Variants in CTNNA3 observed in about 807,000 individuals in gnomAD.
The protein encoded by CTNNA3 is catenin alpha-3.
CTNNA3 carries 76 observed loss-of-function variants against 95.7 expected under a neutral mutation model. That is an observed-to-expected ratio of 0.79 (90% CI 0.66 to 0.96). The LOEUF is 0.96. Ranked by LOEUF, CTNNA3 falls within the 40% of genes least tolerant of loss-of-function variation. The probability of loss-of-function intolerance (pLI) is 0.00; values close to 1 mark genes in which losing one functional copy is unlikely to be tolerated. For missense variants in CTNNA3, 1,191 were observed against 1,089.8 expected (o/e 1.09, Z -1.31); for synonymous variants, 431 against 374.4 (o/e 1.15, Z -1.74).
chr10:67,180,220 G>T, intron 7 of CTNNA3, 97 bp downstream of exon 7: 1 of 1,036,636 alleles, frequency 9.6e-7, no homozygotes, highest in Non-Finnish European at 1.5e-6. Flanking sequence ...ATACTCATTT[G>T]TAATTTACCC....
chr10:67,579,938 T>C (rs1216211719), intron 3 of CTNNA3, among the ~76,000 whole-genome samples: 2 of 152,256 alleles, frequency 1.3e-5, no homozygotes, highest in South Asian at 2.1e-4. Flanking sequence ...AAGTTCTTTA[T>C]CGATTCTGGA....
intron 7 of CTNNA3, among the ~76,000 whole-genome samples, chr10:67,020,573 T>C (rs1676075974): frequency 1.3e-5 from 2 of 152,306 alleles, no homozygotes; most frequent in South Asian, 2.1e-4. Context: ...CTAAATTTTG[T>C]TATGTCTTAT....
At chr10:67,732,956 G>A (rs568392496) in intron 1 of CTNNA3, among the ~76,000 whole-genome samples, 2 of 151,840 alleles carry the variant, frequency 1.3e-5, no homozygotes, top group East Asian at 3.9e-4. Flanking sequence ...ATTGAGCAAA[G>A]AAGTCAAGCT....
chr10:67,465,672 A>G (rs555976414), intron 5 of CTNNA3, among the ~76,000 whole-genome samples: 1 of 152,318 alleles, frequency 6.6e-6, no homozygotes, highest in African/African-American at 2.4e-5. Context: ...AGGTCAACTC[A>G]GCACCCAGGG....
chr10:67,261,184 T>C (rs565774525), intron 5 of CTNNA3, among the ~76,000 whole-genome samples: 9 of 152,242 alleles, frequency 5.9e-5, no homozygotes, highest in Non-Finnish European at 1.2e-4. Flanking sequence ...TATTTATGCA[T>C]ACAAACACAG....
At chr10:67,344,747 C>G (rs1322801134) in intron 5 of CTNNA3, among the ~76,000 whole-genome samples, 1 of 151,768 alleles carries the variant, frequency 6.6e-6, no homozygotes, top group Non-Finnish European at 1.5e-5. Flanking sequence ...CTTTTTCTTA[C>G]TCTGCCTAAA....
At chr10:67,367,613 C>T (rs145391984) in intron 5 of CTNNA3, among the ~76,000 whole-genome samples, 90 of 152,268 alleles carry the variant, frequency 5.9e-4, no homozygotes, top group African/African-American at 2.2e-3. Context: ...GACACACACA[C>T]CCAGATCTTC....
intron 2 of CTNNA3, among the ~76,000 whole-genome samples, chr10:67,620,923 G>GTATATATATATATA (rs56300519): frequency 3.0e-4 from 37 of 123,834 alleles, no homozygotes; most frequent in Admixed American, 4.1e-4. Flanking sequence ...GTGTGTGTGT[G>GTATATATATATATA]TATATATATA....
At chr10:66,855,251 T>C (rs1467510171) in intron 7 of CTNNA3, among the ~76,000 whole-genome samples, 1 of 151,942 alleles carries the variant, frequency 6.6e-6, no homozygotes, top group Non-Finnish European at 1.5e-5. Flanking sequence ...GCGATCTTTG[T>C]AAATCGTGGC....
intron 14 of CTNNA3, among the ~76,000 whole-genome samples, chr10:66,079,568 G>C (rs193100235): frequency 1.3e-5 from 2 of 151,860 alleles, no homozygotes; most frequent in Non-Finnish European, 2.9e-5. Flanking sequence ...CCTCCAAATT[G>C]TTTATGGAAA....
intron 5 of CTNNA3, among the ~76,000 whole-genome samples, chr10:67,492,825 A>G (rs1589354054): frequency 6.6e-6 from 1 of 152,162 alleles, no homozygotes; most frequent in East Asian, 1.9e-4. Context: ...CATCCACCCA[A>G]CAACTGCTAA....
At chr10:67,412,571 C>T (rs953845210) in intron 5 of CTNNA3, among the ~76,000 whole-genome samples, 1 of 151,916 alleles carries the variant, frequency 6.6e-6, no homozygotes, top group African/African-American at 2.4e-5. Flanking sequence ...TCACCAAGAT[C>T]AATGCAAAAG....
chr10:66,545,002 T>C (rs1841992513), intron 10 of CTNNA3, among the ~76,000 whole-genome samples: 1 of 152,094 alleles, frequency 6.6e-6, no homozygotes, highest in South Asian at 2.1e-4. Context: ...AATCACCCTA[T>C]AGTAGAACTC....
At chr10:66,954,579 T>A (rs1848696696) in intron 7 of CTNNA3, among the ~76,000 whole-genome samples, 1 of 152,136 alleles carries the variant, frequency 6.6e-6, no homozygotes, top group African/African-American at 2.4e-5. Context: ...ATACATAAAC[T>A]TAGCTTCAGT....
At position 67,756,377 on chromosome 10, in the gene CTNNA3, C is replaced by T. The variant is rs146599753; in HGVS notation, c.-2+7057G>A. On this transcript the variant is annotated intron_variant, in intron 1 of 17. Coordinates refer to the CTNNA3 transcript ENST00000684154. ...ACAAATATTTAAGGTGATGGATATC[C>T]TAACTACACCAATTTAATATTTACA... Among the ~76,000 whole-genome samples, 1,303 of 152,024 alleles carry T rather than the reference C, an allele frequency of 8.6e-3. 24 individuals carry two copies. Among genetic ancestry groups the T allele is most frequent in the African/African-American group, 0.029 (1,211 of 41,464 alleles).
At chr10:67,462,095 T>G (rs1847399413) in intron 5 of CTNNA3, among the ~76,000 whole-genome samples, 1 of 152,230 alleles carries the variant, frequency 6.6e-6, no homozygotes, top group Non-Finnish European at 1.5e-5. Context: ...CCTCTGAATC[T>G]CAGCTCTGGA....
chr10:66,492,789 C>T (rs1442864220), intron 11 of CTNNA3, among the ~76,000 whole-genome samples: 2 of 152,086 alleles, frequency 1.3e-5, no homozygotes, highest in Non-Finnish European at 2.9e-5. Flanking sequence ...TTTACTATAC[C>T]ACCAATTGGG....
chr10:65,969,599 T>TA (rs1366661291), intron 16 of CTNNA3, among the ~76,000 whole-genome samples: 1 of 152,110 alleles, frequency 6.6e-6, no homozygotes, highest in Non-Finnish European at 1.5e-5. Context: ...ATTCTGGAAT[T>TA]AAAAAACTAA....
chr10:67,684,222 C>T (rs1446765155), intron 1 of CTNNA3, among the ~76,000 whole-genome samples: 1 of 152,194 alleles, frequency 6.6e-6, no homozygotes, highest in African/African-American at 2.4e-5. Context: ...TTTAGCTAGA[C>T]ACAGAGCACT....
Sources: gnomAD v4.1 joint callset for allele counts (sites outside exome capture counted in the v4.1 genomes callset) on GRCh38, gnomAD v4.1.1 for gene constraint, MANE v1.5 for transcripts, NCBI Gene and HGNC (gene_info 2026-07-23, HGNC 2026-07-21) for gene names.